NRXN3: variants seen among roughly 807,000 people sequenced by gnomAD.
NRXN3 encodes neurexin III.
Under a neutral mutation model 137.6 loss-of-function variants are expected in NRXN3, and 32 were observed. That is an observed-to-expected ratio of 0.23 (90% CI 0.18 to 0.31). The LOEUF (loss-of-function observed/expected upper bound fraction) is 0.31, where lower values mean the gene tolerates loss of function less well. NRXN3 is among the 10% of genes least tolerant of loss of function. NRXN3 has a pLI of 1.00. For missense variants in NRXN3, 1,574 were observed against 2,062.5 expected, an observed-to-expected ratio of 0.76 and a Z score of 4.59; for synonymous variants, 798 against 784.5, an observed-to-expected ratio of 1.02 and a Z score of -0.29.
intron 16 of NRXN3, among the ~76,000 whole-genome samples, chr14:79,481,641 C>T (rs2096609478): frequency 6.6e-6 from 1 of 152,198 alleles, no homozygotes; most frequent in Non-Finnish European, 1.5e-5. Flanking sequence ...TTCTGTTTGT[C>T]CACTGCCCAG....
At chr14:79,567,316 T>C (rs1261309199) in intron 16 of NRXN3, among the ~76,000 whole-genome samples, 1 of 152,066 alleles carries the variant, frequency 6.6e-6, no homozygotes, top group Non-Finnish European at 1.5e-5. Context: ...TTTGTATTTA[T>C]GCAAGAAATT....
chr14:79,476,054 G>A (rs906853687), intron 16 of NRXN3, among the ~76,000 whole-genome samples: 6 of 152,172 alleles, frequency 3.9e-5, no homozygotes, highest in Admixed American at 6.6e-5. Context: ...TTGACCCACC[G>A]CTTACACTGC....
chr14:79,861,114 T>G lies in NRXN3; in HGVS notation c.4094-228T>G. 1 of 1,471,902 alleles carries G rather than the reference T, an allele frequency of 6.8e-7. No homozygotes were observed. Among genetic ancestry groups the G allele is most frequent in the Non-Finnish European group, 9.0e-7 (1 of 1,115,054 alleles). The allele number at this position is 1,471,902 out of a possible 1,614,324, so 91.2% of individuals were successfully genotyped here. A position where few individuals can be genotyped will look rare whatever the true frequency, so the allele number is the denominator to read the frequency against. On this transcript the variant is annotated intron_variant, in intron 20 of 20. Coordinates refer to ENST00000335750, the MANE Select transcript of NRXN3 (RefSeq NM_001330195.2). The surrounding 1 kb of genome is among the most constrained non-coding windows in gnomAD (Gnocchi z 5.4). The stretch of plus-strand genomic sequence containing the variant: ...CCTATTGCTACTCGTGCACCTTCCA[T>G]TACACTCCCCCCTACCTTTCGCCCC...
intron 4 of NRXN3, among the ~76,000 whole-genome samples, chr14:78,433,935 A>G (rs1184918438): frequency 2.0e-5 from 3 of 152,180 alleles, no homozygotes; most frequent in Non-Finnish European, 2.9e-5. Context: ...TGATGTCCTG[A>G]CAAACCCATG....
intron 20 of NRXN3, among the ~76,000 whole-genome samples, chr14:79,832,419 C>T (rs2099326707): frequency 6.6e-6 from 1 of 152,158 alleles, no homozygotes; most frequent in African/African-American, 2.4e-5. Context: ...AACTCAGTGT[C>T]TTTATGACCC....
At chr14:79,142,757 G>A (rs931547666) in intron 15 of NRXN3, among the ~76,000 whole-genome samples, 4 of 152,150 alleles carry the variant, frequency 2.6e-5, no homozygotes, top group Non-Finnish European at 4.4e-5. Flanking sequence ...CACAATTTCA[G>A]GAGAGAAATG....
At chr14:79,178,045 G>A (rs941349452) in intron 15 of NRXN3, among the ~76,000 whole-genome samples, 2 of 152,220 alleles carry the variant, frequency 1.3e-5, no homozygotes, top group African/African-American at 4.8e-5. Flanking sequence ...GAGGGACAAA[G>A]AGAGAGGTGC....
intron 15 of NRXN3, among the ~76,000 whole-genome samples, chr14:79,152,507 G>A (rs541543521): frequency 1.3e-5 from 2 of 152,068 alleles, no homozygotes; most frequent in Non-Finnish European, 2.9e-5. Context: ...TCCAAAACTC[G>A]GTAATTTATA....
chr14:79,558,276 T>C (rs944223765), intron 16 of NRXN3, among the ~76,000 whole-genome samples: 2 of 152,174 alleles, frequency 1.3e-5, no homozygotes, highest in African/African-American at 2.4e-5. Context: ...TCATGGCATC[T>C]AGAATGGTGA....
chr14:78,962,986 T>C (rs1407050285), intron 11 of NRXN3, among the ~76,000 whole-genome samples: 2 of 152,088 alleles, frequency 1.3e-5, no homozygotes, highest in Non-Finnish European at 1.5e-5. Flanking sequence ...CAATTCCTTT[T>C]CTAATTTGAT....
At chr14:79,617,667 C>T (rs1223019475) in intron 16 of NRXN3, among the ~76,000 whole-genome samples, 1 of 151,854 alleles carries the variant, frequency 6.6e-6, no homozygotes. Context: ...TGAGTCTTTC[C>T]CTAACGAGAA....
chr14:79,683,151 CAGAAT>C (rs2098679101), intron 17 of NRXN3, among the ~76,000 whole-genome samples: 1 of 152,104 alleles, frequency 6.6e-6, no homozygotes, highest in South Asian at 2.1e-4. Flanking sequence ...AGGAGCCAGT[CAGAAT>C]AGAAAACTAG....
chr14:78,581,910 C>G (rs1466538680), intron 4 of NRXN3, among the ~76,000 whole-genome samples: 2 of 152,204 alleles, frequency 1.3e-5, no homozygotes, highest in African/African-American at 2.4e-5. Context: ...ATCCAAGGGC[C>G]AACCCTGATA....
At chr14:78,679,781 T>C (rs1602326364) in intron 6 of NRXN3, among the ~76,000 whole-genome samples, 1 of 152,274 alleles carries the variant, frequency 6.6e-6, no homozygotes, top group Non-Finnish European at 1.5e-5. Context: ...CAAATAACCA[T>C]GTATTAAACA....
intron 9 of NRXN3, among the ~76,000 whole-genome samples, chr14:78,807,756 GAAAGA>G (rs2098884814): frequency 1.0e-5 from 1 of 98,416 alleles, no homozygotes; most frequent in African/African-American, 3.8e-5. Flanking sequence ...AAAAAAAAAA[GAAAGA>G]AAAGAAAAAG....
intron 16 of NRXN3, among the ~76,000 whole-genome samples, chr14:79,563,038 C>T (rs2153782327): frequency 6.6e-6 from 1 of 152,264 alleles, no homozygotes; most frequent in East Asian, 1.9e-4. Flanking sequence ...CCAATAAGCT[C>T]AACTTACTGT....
At chr14:79,068,036 C>A (rs943620910) in intron 15 of NRXN3, among the ~76,000 whole-genome samples, 1 of 151,942 alleles carries the variant, frequency 6.6e-6, no homozygotes, top group African/African-American at 2.4e-5. Flanking sequence ...GACACCCTTA[C>A]CCTTTCTAGA....
At chr14:79,025,594 A>G (rs1053909311) in intron 15 of NRXN3, among the ~76,000 whole-genome samples, 4 of 152,144 alleles carry the variant, frequency 2.6e-5, no homozygotes, top group Admixed American at 6.6e-5. Context: ...TTCTCCTGGC[A>G]TATTGATCTT....
At chr14:78,815,479 C>CTTTTTTTTTT (rs61411777) in intron 10 of NRXN3, among the ~76,000 whole-genome samples, 55 of 84,442 alleles carry the variant, frequency 6.5e-4, no homozygotes, top group East Asian at 9.1e-4. Context: ...TTGTTTCTTT[C>CTTTTTTTTTT]TTTTTTTTTT....
Sources: gnomAD v4.1 joint callset for allele counts (sites outside exome capture counted in the v4.1 genomes callset) on GRCh38, gnomAD v4.1.1 for gene constraint, Gnocchi (gnomAD v3.1) non-coding constraint, MANE v1.5 for transcripts, NCBI Gene and HGNC (gene_info 2026-07-23, HGNC 2026-07-21) for gene names.